CSMD1: variants seen among roughly 807,000 people sequenced by gnomAD.
CSMD1 encodes the protein CUB and Sushi multiple domains 1.
A neutral mutation model predicts 417.5 loss-of-function variants in CSMD1; 213 were observed. That is an observed-to-expected ratio of 0.51 (90% CI 0.46 to 0.57). The LOEUF is 0.57. Ranked by LOEUF, CSMD1 falls within the 20% of genes least tolerant of loss-of-function variation. The probability of loss-of-function intolerance (pLI) is 0.00; values close to 1 mark genes in which losing one functional copy is unlikely to be tolerated. For missense variants in CSMD1, 6,923 were observed against 4,529.7 expected (o/e 1.53, Z -15.17); for synonymous variants, 2,862 against 1,736.8 (o/e 1.65, Z -16.11).
chr8:4,235,907 G>A (rs1802019579), intron 3 of CSMD1, among the ~76,000 whole-genome samples: 3 of 152,250 alleles, frequency 2.0e-5, no homozygotes, highest in East Asian at 1.9e-4. Context: ...TAGCTGAGCC[G>A]CAGCTTCCGC....
intron 5 of CSMD1, among the ~76,000 whole-genome samples, chr8:3,941,202 T>C (rs1810859455): frequency 6.6e-6 from 1 of 152,116 alleles, no homozygotes; most frequent in African/African-American, 2.4e-5. Flanking sequence ...TAAATTGTGC[T>C]AGAGAACAAT....
chr8:3,946,193 G>A (rs139689245), intron 5 of CSMD1, among the ~76,000 whole-genome samples: 2 of 152,164 alleles, frequency 1.3e-5, no homozygotes, highest in African/African-American at 4.8e-5. Context: ...AAATCTCAGT[G>A]GTTTAGCAAC....
intron 12 of CSMD1, among the ~76,000 whole-genome samples, chr8:3,415,465 C>G (rs1334490350): frequency 6.6e-6 from 1 of 152,310 alleles, no homozygotes; most frequent in East Asian, 1.9e-4. Context: ...TCAAGAGATT[C>G]TCTTGGCTCA....
intron 7 of CSMD1, among the ~76,000 whole-genome samples, chr8:3,665,000 T>C (rs1392906498): frequency 6.6e-6 from 1 of 152,032 alleles, no homozygotes; most frequent in African/African-American, 2.4e-5. Flanking sequence ...ATATTTGATA[T>C]ATATTATTAA....
chr8:3,370,835 G>A (rs1809899944), intron 18 of CSMD1, among the ~76,000 whole-genome samples: 1 of 152,108 alleles, frequency 6.6e-6, no homozygotes, highest in Non-Finnish European at 1.5e-5. Context: ...TATTAGCCAG[G>A]CATAGTGGCA....
At chr8:4,785,633 C>G (rs77267854) in intron 1 of CSMD1, among the ~76,000 whole-genome samples, 6 of 152,102 alleles carry the variant, frequency 3.9e-5, no homozygotes, top group Non-Finnish European at 8.8e-5. Flanking sequence ...CACACACAGA[C>G]TCAGAGTCCC....
At chr8:3,650,326 T>C (rs1356854296) in intron 7 of CSMD1, among the ~76,000 whole-genome samples, 1 of 152,076 alleles carries the variant, frequency 6.6e-6, no homozygotes, top group Non-Finnish European at 1.5e-5. Context: ...TGATTGAGTT[T>C]CAAGTTGAGT....
chr8:3,757,217 A>G (rs1361508860), intron 5 of CSMD1, among the ~76,000 whole-genome samples: 1 of 152,080 alleles, frequency 6.6e-6, no homozygotes, highest in Non-Finnish European at 1.5e-5. Flanking sequence ...CCAAATACCT[A>G]CTCAGAACAA....
chr8:4,516,965 T>C (rs1263385939), intron 2 of CSMD1, among the ~76,000 whole-genome samples: 1 of 152,160 alleles, frequency 6.6e-6, no homozygotes, highest in Non-Finnish European at 1.5e-5. Flanking sequence ...CTTTTCACTA[T>C]GAAAGATGAA....
At position 3,287,949 on chromosome 8, in the gene CSMD1, T is replaced by C. The variant is rs190216540; in HGVS notation, c.3951-3603A>G. 1.1e-3 allele frequency among the ~76,000 whole-genome samples: 167 copies of C among 146,612 alleles called. 27 individuals carry two copies. The highest frequency in any genetic ancestry group is 4.5e-3 in the African/African-American group (164 of 36,698). On this transcript the variant is annotated intron_variant, in intron 25 of 69. Transcript: ENST00000635120. ...ATATTGGCTGTGGGTTTGTCATAGA[T>C]AGCTCTTATTATTTTGAGATACGTC...
chr8:3,986,499 G>C (rs538071734), intron 5 of CSMD1, among the ~76,000 whole-genome samples: 4 of 152,250 alleles, frequency 2.6e-5, no homozygotes, highest in African/African-American at 9.6e-5. Context: ...GCTACCAAAA[G>C]CAAGATCCTT....
At chr8:3,157,644 C>T (rs1049711989) in intron 39 of CSMD1, among the ~76,000 whole-genome samples, 2 of 152,192 alleles carry the variant, frequency 1.3e-5, no homozygotes, top group Non-Finnish European at 2.9e-5. Flanking sequence ...GGTGCAGGGC[C>T]GTGAGCGGGC....
chr8:4,007,854 A>G (rs1816246833), intron 4 of CSMD1, among the ~76,000 whole-genome samples: 3 of 152,178 alleles, frequency 2.0e-5, no homozygotes, highest in Non-Finnish European at 4.4e-5. Context: ...TAGAAGAAGA[A>G]AAGTTTATTT....
At chr8:4,147,813 G>A (rs1378226054) in intron 3 of CSMD1, among the ~76,000 whole-genome samples, 3 of 152,070 alleles carry the variant, frequency 2.0e-5, no homozygotes, top group African/African-American at 7.2e-5. Context: ...CCAAAGCCGG[G>A]CAGGAAGACA....
intron 8 of CSMD1, among the ~76,000 whole-genome samples, chr8:3,597,430 A>G (rs901355813): frequency 1.2e-5 from 1 of 81,544 alleles, no homozygotes; most frequent in African/African-American, 7.5e-5. Flanking sequence ...ACTACTTTCA[A>G]TGCAAGCCCC....
intron 1 of CSMD1, among the ~76,000 whole-genome samples, chr8:4,889,432 C>T (rs1253836638): frequency 1.3e-5 from 2 of 151,986 alleles, no homozygotes; most frequent in African/African-American, 4.8e-5. Flanking sequence ...GGAAAAGTAG[C>T]CAAAATTTGA....
intron 3 of CSMD1, among the ~76,000 whole-genome samples, chr8:4,221,881 G>C (rs1424635984): frequency 6.6e-6 from 1 of 152,160 alleles, no homozygotes. Context: ...AGAATTCTTA[G>C]CAGAGGAAAT....
intron 2 of CSMD1, among the ~76,000 whole-genome samples, chr8:4,580,488 A>T (rs576331359): frequency 6.6e-6 from 1 of 152,292 alleles, no homozygotes; most frequent in South Asian, 2.1e-4. Flanking sequence ...AAGTTATGGA[A>T]ATTTCCTAAT....
intron 3 of CSMD1, among the ~76,000 whole-genome samples, chr8:4,277,014 A>T (rs1456884514): frequency 6.6e-6 from 1 of 152,204 alleles, no homozygotes; most frequent in East Asian, 1.9e-4. Flanking sequence ...GTTTAAATTC[A>T]GAGAAAGGTC....
Sources: gnomAD v4.1 joint callset for allele counts (sites outside exome capture counted in the v4.1 genomes callset) on GRCh38, gnomAD v4.1.1 for gene constraint, MANE v1.5 for transcripts, NCBI Gene and HGNC (gene_info 2026-07-23, HGNC 2026-07-21) for gene names.